Variants in ASTN2 observed in about 807,000 individuals in gnomAD.
ASTN2 encodes astrotactin-2.
Under a neutral mutation model 139.8 loss-of-function variants are expected in ASTN2, and 54 were observed. The observed-to-expected ratio is 0.39, with a 90% confidence interval of 0.31 to 0.48. ASTN2 has a LOEUF of 0.48. Among genes scored for constraint, ASTN2 ranks in the 20% least tolerant of loss-of-function variants. The probability of loss-of-function intolerance (pLI) is 0.95; values close to 1 mark genes in which losing one functional copy is unlikely to be tolerated. For synonymous variants in ASTN2, 756 were observed against 719.5 expected, an observed-to-expected ratio of 1.05 and a Z score of -0.81; for missense variants, 1,565 against 1,725.1, an observed-to-expected ratio of 0.91 and a Z score of 1.64.
chr9:116,531,769 T>C (rs1359917446), intron 19 of ASTN2, among the ~76,000 whole-genome samples: 1 of 152,232 alleles, frequency 6.6e-6, no homozygotes, highest in African/African-American at 2.4e-5. Context: ...CTATCACTGA[T>C]GGACATTTGG....
chr9:116,500,874 A>G (rs1361680365), intron 19 of ASTN2, among the ~76,000 whole-genome samples: 1 of 152,218 alleles, frequency 6.6e-6, no homozygotes, highest in Non-Finnish European at 1.5e-5. Context: ...CCAATTCATG[A>G]AACACTTTGT....
chr9:116,495,823 A>G (rs1849651681), intron 19 of ASTN2, among the ~76,000 whole-genome samples: 1 of 152,164 alleles, frequency 6.6e-6, no homozygotes, highest in Non-Finnish European at 1.5e-5. Flanking sequence ...AAGACTACTA[A>G]TTAACAAGAA....
intron 17 of ASTN2, among the ~76,000 whole-genome samples, chr9:116,632,765 C>T (rs1856870997): frequency 6.6e-6 from 1 of 152,176 alleles, no homozygotes; most frequent in Admixed American, 6.5e-5. Context: ...AAAACCCTTC[C>T]TTGATTTCCC....
At chr9:116,677,059 A>T (rs1039225078) in intron 16 of ASTN2, among the ~76,000 whole-genome samples, 1 of 152,250 alleles carries the variant, frequency 6.6e-6, no homozygotes, top group Non-Finnish European at 1.5e-5. Context: ...TTTAAAGAGC[A>T]CTATGGTTAA....
chr9:116,993,708 ATATAT>A (rs747387145), intron 7 of ASTN2, among the ~76,000 whole-genome samples: 1 of 147,882 alleles, frequency 6.8e-6, no homozygotes, highest in Admixed American at 6.8e-5. Context: ...AAAGTGTATC[ATATAT>A]TATATATAGT....
rs531940407 is a variant in ASTN2, at chr9:116,913,230, G to A, written c.1890-49497C>T. On this transcript the variant is annotated intron_variant, in intron 10 of 22. Coordinates refer to ENST00000313400, the MANE Select transcript of ASTN2 (RefSeq NM_001365068.1). The stretch of plus-strand genomic sequence containing the variant: ...TATCCAGGTAACTTAACATTTCTGA[G>A]CCTTTGGTTTCTCATATGCAAAATA... Among the ~76,000 whole-genome samples the A allele has an allele frequency of 5.3e-5, 8 of 152,214 alleles. No individual in the cohort carries two copies. In the South Asian group the frequency reaches 6.2e-4, roughly 12 times the overall value.
intron 10 of ASTN2, among the ~76,000 whole-genome samples, chr9:116,947,349 T>C (rs922744745): frequency 6.6e-6 from 1 of 152,144 alleles, no homozygotes; most frequent in Admixed American, 6.5e-5. Flanking sequence ...GCTGATGAGG[T>C]TGTTATTTCT....
intron 4 of ASTN2, among the ~76,000 whole-genome samples, chr9:117,100,670 G>A (rs1828955709): frequency 6.6e-6 from 1 of 152,166 alleles, no homozygotes; most frequent in South Asian, 2.1e-4. Context: ...AGCAAATTAA[G>A]GGCAAGGATC....
chr9:117,089,644 T>C (rs1407365801), intron 5 of ASTN2, among the ~76,000 whole-genome samples: 1 of 152,144 alleles, frequency 6.6e-6, no homozygotes, highest in African/African-American at 2.4e-5. Context: ...CAGTATACAC[T>C]GTACCCTATT....
chr9:117,029,111 T>C (rs534715859), intron 6 of ASTN2, among the ~76,000 whole-genome samples: 13 of 152,316 alleles, frequency 8.5e-5, no homozygotes, highest in African/African-American at 3.1e-4. Context: ...AAGATGGTCA[T>C]ATAACCTCCC....
chr9:117,034,664 C>T (rs1838333675), intron 6 of ASTN2, among the ~76,000 whole-genome samples: 1 of 152,140 alleles, frequency 6.6e-6, no homozygotes, highest in African/African-American at 2.4e-5. Flanking sequence ...GCTCTACCCT[C>T]AGAGAATCTG....
chr9:116,991,584 A>G (rs111788112), intron 7 of ASTN2, among the ~76,000 whole-genome samples: 1 of 93,114 alleles, frequency 1.1e-5, no homozygotes, highest in East Asian at 3.1e-4. Flanking sequence ...TCTCCCTCTT[A>G]TTAAAAAAAA....
At chr9:116,559,379 T>A (rs562318606) in intron 19 of ASTN2, among the ~76,000 whole-genome samples, 2 of 152,352 alleles carry the variant, frequency 1.3e-5, no homozygotes, top group South Asian at 2.1e-4. Context: ...TGCAGAGTCC[T>A]ATGCTTCTGG....
chr9:116,757,358 A>C (rs1200537340), intron 13 of ASTN2, among the ~76,000 whole-genome samples: 1 of 152,068 alleles, frequency 6.6e-6, no homozygotes, highest in Non-Finnish European at 1.5e-5. Context: ...GAACTTAATT[A>C]CCGAAGACAT....
intron 3 of ASTN2, among the ~76,000 whole-genome samples, chr9:117,193,122 G>A (rs1206442331): frequency 1.3e-5 from 2 of 152,188 alleles, no homozygotes; most frequent in Non-Finnish European, 2.9e-5. Context: ...GTGAGGAAGA[G>A]GTGTACCCAA....
At position 116,762,444 on chromosome 9, in the gene ASTN2, A is replaced by T. The variant is rs761610560; in HGVS notation, c.2397-28921T>A. ...AAAACATAAATGCTTAGCAACTTGA[A>T]GTAGGTGGATGTGGACTCTTATCTA... On this transcript the variant is annotated intron_variant, in intron 13 of 22. Transcript: ENST00000313400. Among the ~76,000 whole-genome samples the T allele has an allele frequency of 2.0e-5, 3 of 152,326 alleles. No individual in the cohort carries two copies. In the South Asian group the frequency reaches 6.2e-4, roughly 32 times the overall value.
intron 1 of ASTN2, among the ~76,000 whole-genome samples, chr9:117,398,724 A>C (rs1259793353): frequency 3.9e-5 from 6 of 152,208 alleles, no homozygotes; most frequent in Non-Finnish European, 7.3e-5. Context: ...AGAGACTTTC[A>C]GGTTTTCCTT....
At chr9:116,919,584 C>T (rs1365919700) in intron 10 of ASTN2, among the ~76,000 whole-genome samples, 1 of 151,898 alleles carries the variant, frequency 6.6e-6, no homozygotes, top group African/African-American at 2.4e-5. Context: ...AAGGTCCCTC[C>T]TCCTCTGATG....
chr9:117,290,611 T>G (rs953403369), intron 2 of ASTN2, among the ~76,000 whole-genome samples: 24 of 152,210 alleles, frequency 1.6e-4, no homozygotes, highest in African/African-American at 5.8e-4. Flanking sequence ...GTATCCAGTA[T>G]AGTGCTTAAC....
Sources: gnomAD v4.1 joint callset for allele counts (sites outside exome capture counted in the v4.1 genomes callset) on GRCh38, gnomAD v4.1.1 for gene constraint, MANE v1.5 for transcripts, NCBI Gene and HGNC (gene_info 2026-07-23, HGNC 2026-07-21) for gene names.